The following ZNF678 variants were observed in gnomAD, a reference collection of about 807,000 sequenced individuals.
ZNF678 encodes zinc finger protein 678.
A neutral mutation model predicts 3.0 loss-of-function variants in ZNF678; 5 were observed. The ratio of observed to expected loss-of-function variants is 1.69; its 90% confidence interval spans 0.88 to 3.56. The LOEUF is 3.56. Among genes scored for constraint, ZNF678 ranks in the 30% most tolerant of loss-of-function variants. ZNF678 has a pLI of 0.00. For missense variants in ZNF678, 593 were observed against 605.0 expected, an observed-to-expected ratio of 0.98 and a Z score of 0.21; for synonymous variants, 218 against 199.6, an observed-to-expected ratio of 1.09 and a Z score of -0.78.
At chr1:227,574,842 TGTAAG>T (rs1035992789) in intron 1 of ZNF678, among the ~76,000 whole-genome samples, 11 of 152,194 alleles carry the variant, frequency 7.2e-5, no homozygotes, top group African/African-American at 2.7e-4. Flanking sequence ...TTGTGCATGA[TGTAAG>T]GAAGGGGTCC....
chr1:227,643,620 C>T (rs746868208), intron 1 of ZNF678, among the ~76,000 whole-genome samples: 7 of 152,028 alleles, frequency 4.6e-5, no homozygotes, highest in Non-Finnish European at 8.8e-5. Flanking sequence ...AAATGGGAGC[C>T]GAAGACTATA....
rs534866942 is a variant in ZNF678, at chr1:227,614,387, C to T, written c.-163-32157C>T. Among the ~76,000 whole-genome samples the T allele has an allele frequency of 1.1e-4, 17 of 152,300 alleles. No individual in the cohort carries two copies. The Middle Eastern group carries it at 0.01, about 91-fold the overall frequency. On this transcript the variant is annotated intron_variant, in intron 1 of 3. Transcript: ENST00000343776. ...TGTCTTTCCTCGTATTAAATGAAAA[C>T]GGACTTTGCTGCCACTTGACTCCTA...
intron 1 of ZNF678, chr1:227,598,309 TA>T (rs1657646886): frequency 2.6e-6 from 3 of 1,143,120 alleles, no homozygotes; most frequent in African/African-American, 1.6e-5. Context: ...AGTCCAGGAA[TA>T]ATTCTAAACA....
At chr1:227,600,902 G>T (rs1408249063) in intron 1 of ZNF678, among the ~76,000 whole-genome samples, 1 of 152,100 alleles carries the variant, frequency 6.6e-6, no homozygotes, top group Non-Finnish European at 1.5e-5. Flanking sequence ...CCAGGGTTTA[G>T]TTATGGATTT....
chr1:227,635,449 T>G lies in ZNF678; in HGVS notation c.-163-11095T>G, dbSNP rs893099850. On this transcript the variant is annotated intron_variant, in intron 1 of 3. Transcript: ENST00000343776. ...TTCTTTTGAATATAGGCAGTTCAGT[T>G]TTTTGTTGACTATAGCCAAAACACA... Among the ~76,000 whole-genome samples, 704 of 151,952 alleles carry G rather than the reference T, an allele frequency of 4.6e-3. 7 individuals are homozygous for G. The highest frequency in any genetic ancestry group is 0.016 in the African/African-American group (675 of 41,422).
At chr1:227,614,784 T>G (rs776195284) in intron 1 of ZNF678, among the ~76,000 whole-genome samples, 17 of 152,226 alleles carry the variant, frequency 1.1e-4, no homozygotes, top group Non-Finnish European at 2.2e-4. Context: ...GTATCAGTTA[T>G]TCCACCTGCT....
exon 6 of ZNF678, chr1:227,677,369 C>T (rs1295977261): frequency 6.6e-6 from 1 of 152,232 alleles, no homozygotes; most frequent in Non-Finnish European, 1.5e-5. Flanking sequence ...GGACTCACTA[C>T]ACTCAAGTCA....
intron 1 of ZNF678, among the ~76,000 whole-genome samples, chr1:227,587,074 G>C (rs555930334): frequency 1.1e-4 from 16 of 152,258 alleles, no homozygotes; most frequent in Middle Eastern, 3.4e-3. Context: ...AATATTGCAG[G>C]GTGAGGATGA....
At position 227,572,560 on chromosome 1, in the gene ZNF678, C is replaced by T. The variant is rs1360640319; in HGVS notation, c.-164+8836C>T. ...GCCTGGTGGGGAAGAGCGATGGGCA[C>T]CCAATCCTAGCTCACATGCCAAGTG... On this transcript the variant is annotated intron_variant, in intron 1 of 3. Transcript: ENST00000343776. Among the ~76,000 whole-genome samples the T allele has an allele frequency of 6.6e-5, 10 of 152,168 alleles. No individual in the cohort carries two copies. In the East Asian group the frequency reaches 1.5e-3, roughly 23 times the overall value.
At chr1:227,633,906 CT>C (rs901063277) in intron 1 of ZNF678, among the ~76,000 whole-genome samples, 2 of 152,216 alleles carry the variant, frequency 1.3e-5, no homozygotes, top group African/African-American at 4.8e-5. Flanking sequence ...TAAGGGAATG[CT>C]GACATCACCC....
At chr1:227,598,839 G>T in intron 1 of ZNF678, 1 of 595,538 alleles carries the variant, frequency 1.7e-6, no homozygotes, top group Non-Finnish European at 3.2e-6. Context: ...AGAGCTTAAT[G>T]AAGAAGAAGA....
chr1:227,586,553 G>A (rs1319776016), intron 1 of ZNF678, among the ~76,000 whole-genome samples: 2 of 152,076 alleles, frequency 1.3e-5, no homozygotes, highest in African/African-American at 2.4e-5. Flanking sequence ...GCAGATAAAC[G>A]AATTGATAAA....
At chr1:227,676,463 ATAAAG>A (rs1659681064) in intron 5 of ZNF678, among the ~76,000 whole-genome samples, 1 of 152,342 alleles carries the variant, frequency 6.6e-6, no homozygotes, top group Non-Finnish European at 1.5e-5. Flanking sequence ...GATTTCTCAG[ATAAAG>A]TAAACTATGT....
At chr1:227,668,016 G>GT in intron 5 of ZNF678, among the ~76,000 whole-genome samples, 1 of 152,302 alleles carries the variant, frequency 6.6e-6, no homozygotes, top group South Asian at 2.1e-4. Flanking sequence ...AGAAGTCACA[G>GT]TATCAGAAGA....
At chr1:227,617,739 A>G (rs949744726) in intron 1 of ZNF678, among the ~76,000 whole-genome samples, 1 of 152,198 alleles carries the variant, frequency 6.6e-6, no homozygotes, top group African/African-American at 2.4e-5. Flanking sequence ...AATTGATGAA[A>G]GGGAATTCTG....
chr1:227,637,325 C>G (rs1256206853), intron 1 of ZNF678, among the ~76,000 whole-genome samples: 1 of 152,138 alleles, frequency 6.6e-6, no homozygotes, highest in Non-Finnish European at 1.5e-5. Flanking sequence ...AGCCGTGAGG[C>G]AGAGATGAGA....
chr1:227,658,881 G>A lies in ZNF678; in HGVS notation c.*3053G>A, dbSNP rs1201581613. 1 of 151,922 alleles carries A rather than the reference G, an allele frequency of 6.6e-6. No homozygotes were observed. Among genetic ancestry groups the A allele is most frequent in the Non-Finnish European group, 1.5e-5 (1 of 67,918 alleles). The allele number at this position is 151,922 out of a possible 1,614,324, so 9.4% of individuals were successfully genotyped here. On this transcript the variant is annotated 3_prime_UTR_variant, in exon 4 of 4. Transcript: ENST00000343776. Reference sequence around the variant, plus strand: ...GTAAACATGAAATCAGTTAGAATAGGTAAAGCATTAATAATGGTAGGCTAT... The same window carrying A: ...GTAAACATGAAATCAGTTAGAATAGATAAAGCATTAATAATGGTAGGCTAT...
In ZNF678 at chr1:227,659,756, TA is replaced by T. The variant is rs1472586491; in HGVS notation, c.*3929del. The stretch of plus-strand genomic sequence containing the variant: ...AATTATTTTTAAATTGACAAAATTT[TA>T]TATCTACATATATATATATCTTGTA... On this transcript the variant is annotated 3_prime_UTR_variant, in exon 4 of 4. Coordinates refer to ENST00000343776, the MANE Select transcript of ZNF678 (RefSeq NM_001367909.1). The T allele has an allele frequency of 6.6e-6, 1 of 152,168 alleles. No individual in the cohort carries two copies. Among genetic ancestry groups the T allele is most frequent in the Non-Finnish European group, 1.5e-5 (1 of 68,022 alleles). The allele number at this position is 152,168 out of a possible 1,614,324, so 9.4% of individuals were successfully genotyped here. A position where few individuals can be genotyped will look rare whatever the true frequency, so the allele number is the denominator to read the frequency against.
chr1:227,607,143 T>C (rs1373221234), intron 1 of ZNF678, among the ~76,000 whole-genome samples: 3 of 152,258 alleles, frequency 2.0e-5, no homozygotes, highest in Non-Finnish European at 2.9e-5. Context: ...TCTCTTTATT[T>C]ATTAGAAGTC....
Sources: gnomAD v4.1 joint callset for allele counts (sites outside exome capture counted in the v4.1 genomes callset) on GRCh38, gnomAD v4.1.1 for gene constraint, MANE v1.5 for transcripts, NCBI Gene and HGNC (gene_info 2026-07-23, HGNC 2026-07-21) for gene names.